Variants in PUS7 observed in about 807,000 individuals in gnomAD.
PUS7 encodes pseudouridine synthase 7.
Under a neutral mutation model 79.8 loss-of-function variants are expected in PUS7, and 48 were observed. The observed-to-expected ratio is 0.60, with a 90% CI of 0.48 to 0.76. PUS7 has a LOEUF of 0.76. Ranked by LOEUF, PUS7 falls within the 30% of genes least tolerant of loss-of-function variation. The pLI is 0.00. For synonymous variants in PUS7, 286 were observed against 272.2 expected, an observed-to-expected ratio of 1.05 and a Z score of -0.50; for missense variants, 729 against 797.6, an observed-to-expected ratio of 0.91 and a Z score of 1.04.
chr7:105,470,888 T>C (rs370756343), intron 10 of PUS7, 40 bp from the exon 11 acceptor site: 36 of 1,509,186 alleles, frequency 2.4e-5, no homozygotes, highest in South Asian at 1.0e-4. Context: ...ACTTACCCAA[T>C]AGACAGACTT....
chr7:105,463,849 G>T (rs1823533094), intron 13 of PUS7, among the ~76,000 whole-genome samples: 2 of 152,050 alleles, frequency 1.3e-5, no homozygotes, highest in Non-Finnish European at 1.5e-5. Flanking sequence ...AGAATATTAT[G>T]CAATTCTTAA....
intron 9 of PUS7, 61 bp downstream of exon 9, chr7:105,480,991 C>A (rs1824296955): frequency 1.3e-6 from 2 of 1,532,780 alleles, no homozygotes; most frequent in Non-Finnish European, 1.8e-6. Flanking sequence ...AACACCACCA[C>A]CAACAAACCC....
chr7:105,475,490 T>G (rs1040108364), intron 9 of PUS7, among the ~76,000 whole-genome samples: 3 of 151,864 alleles, frequency 2.0e-5, no homozygotes, highest in Admixed American at 2.0e-4. Context: ...AGGCCATTTT[T>G]TTTGTATTTT....
intron 8 of PUS7, among the ~76,000 whole-genome samples, chr7:105,481,833 C>T (rs1324880376): frequency 6.6e-6 from 1 of 151,944 alleles, no homozygotes; most frequent in African/African-American, 2.4e-5. Flanking sequence ...TCGGTTCACG[C>T]CATTCTCCTG....
chr7:105,458,128 G>C (rs1823263424), intron 15 of PUS7, among the ~76,000 whole-genome samples: 1 of 152,002 alleles, frequency 6.6e-6, no homozygotes, highest in Non-Finnish European at 1.5e-5. Flanking sequence ...ATTCTGCCCA[G>C]GAACTTTCAC....
intron 1 of PUS7, among the ~76,000 whole-genome samples, chr7:105,518,381 A>G (rs976114107): frequency 6.0e-5 from 9 of 151,100 alleles, no homozygotes; most frequent in African/African-American, 2.2e-4. Flanking sequence ...TTAATATAAC[A>G]CTAACAACAG....
chr7:105,487,684 G>A (rs761537869), intron 7 of PUS7, among the ~76,000 whole-genome samples: 1 of 152,142 alleles, frequency 6.6e-6, no homozygotes, highest in Non-Finnish European at 1.5e-5. Context: ...TAAAAATCTT[G>A]CTTTTAAACA....
At chr7:105,492,503 T>A (rs1824831774) in intron 6 of PUS7, among the ~76,000 whole-genome samples, 1 of 122,476 alleles carries the variant, frequency 8.2e-6, no homozygotes, top group African/African-American at 3.0e-5. Flanking sequence ...TTTTTGTATT[T>A]TTTTTTTTTT....
intron 5 of PUS7, among the ~76,000 whole-genome samples, chr7:105,501,680 G>T (rs1320516575): frequency 6.6e-6 from 1 of 152,038 alleles, no homozygotes; most frequent in African/African-American, 2.4e-5. Context: ...TCTTGGCCGG[G>T]CGCACTGGCT....
At chr7:105,498,187 C>T (rs118109670) in intron 5 of PUS7, among the ~76,000 whole-genome samples, 6,759 of 152,218 alleles carry the variant, frequency 0.044, 214 homozygotes, top group South Asian at 0.12. Context: ...CATTCTTTTT[C>T]TAAGTACACT....
chr7:105,507,719 T>G (rs1825528639), intron 2 of PUS7, among the ~76,000 whole-genome samples: 1 of 151,074 alleles, frequency 6.6e-6, no homozygotes, highest in East Asian at 2.0e-4. Flanking sequence ...TTTTTGTATT[T>G]TTAGTATAGA....
At position 105,457,754 on chromosome 7, in the gene PUS7, T is replaced by C. The variant is rs376645465; in HGVS notation, c.*36A>G. On this transcript the variant is annotated 3_prime_UTR_variant, in exon 16 of 16. Transcript: ENST00000469408. ...GCACAGGGAGCCAGGAAGCAAACAC[T>C]TGTGTACGTTTTCTAATCTGTGGAC... The C allele has an allele frequency of 5.9e-5, 95 of 1,605,840 alleles. No homozygotes were observed. Among genetic ancestry groups the C allele is most frequent in the Middle Eastern group, 1.7e-4 (1 of 6,030 alleles).
intron 13 of PUS7, among the ~76,000 whole-genome samples, chr7:105,463,387 A>G (rs184900977): frequency 7.2e-4 from 109 of 152,364 alleles, no homozygotes; most frequent in African/African-American, 2.4e-3. Flanking sequence ...ACATATAGTC[A>G]TAAGTACTGG....
At chr7:105,483,618 G>A (rs146571015) in intron 7 of PUS7, among the ~76,000 whole-genome samples, 2,564 of 151,614 alleles carry the variant, frequency 0.017, 33 homozygotes, top group Non-Finnish European at 0.025. Context: ...TGAGCCTCCC[G>A]AGTAGCTGAG....
In PUS7 at chr7:105,462,644, A is replaced by AATG; in HGVS notation, c.1731_1733dup (p.Ile579dup). The stretch of plus-strand genomic sequence containing the variant: ...ACCAGCTAACATTCTGAGGACGAAT[A>AATG]ATGATCTTTCGGTAGGCCCCTGACA... On this transcript the variant is annotated inframe_insertion, in exon 14 of 16. Transcript: ENST00000469408. The AATG allele has an allele frequency of 6.2e-7, 1 of 1,613,868 alleles. No individual in the cohort carries two copies.
chr7:105,504,518 A>G (rs928997412), intron 4 of PUS7, among the ~76,000 whole-genome samples: 4 of 152,222 alleles, frequency 2.6e-5, no homozygotes, highest in African/African-American at 9.6e-5. Context: ...GTATATGAAT[A>G]CATGTTTAGA....
At chr7:105,478,652 C>T (rs1400520799) in intron 9 of PUS7, among the ~76,000 whole-genome samples, 4 of 152,140 alleles carry the variant, frequency 2.6e-5, no homozygotes, top group African/African-American at 7.2e-5. Flanking sequence ...TTTTAGAATG[C>T]GTTGTCTTTC....
chr7:105,458,826 G>T (rs565881978), intron 15 of PUS7, among the ~76,000 whole-genome samples: 21 of 152,174 alleles, frequency 1.4e-4, no homozygotes, highest in African/African-American at 4.8e-4. Flanking sequence ...CTCCCAAAGT[G>T]CTGGGATTAC....
chr7:105,466,142 A>G (rs1823634347), intron 12 of PUS7, among the ~76,000 whole-genome samples: 1 of 138,544 alleles, frequency 7.2e-6, no homozygotes. Context: ...TGGGTCTTGG[A>G]GTGAGACCCT....
Sources: allele counts gnomAD v4.1 joint callset (sites outside exome capture counted in the v4.1 genomes callset), GRCh38; gene constraint gnomAD v4.1.1; transcripts MANE v1.5; gene names NCBI Gene and HGNC (gene_info 2026-07-23, HGNC 2026-07-21).